CEACAM4: variants seen among roughly 807,000 people sequenced by gnomAD.
CEACAM4 encodes cell adhesion molecule CEACAM4.
Under a neutral mutation model 28.7 loss-of-function variants are expected in CEACAM4, and 30 were observed. That is an observed-to-expected ratio of 1.05 (90% CI 0.78 to 1.42). The LOEUF (loss-of-function observed/expected upper bound fraction) is 1.42, where lower values mean the gene tolerates loss of function less well. Among genes scored for constraint, CEACAM4 ranks in the 40% most tolerant of loss-of-function variants. The pLI is 0.00. For synonymous variants in CEACAM4, 143 were observed against 126.5 expected, an observed-to-expected ratio of 1.13 and a Z score of -0.87; for missense variants, 330 against 308.2, an observed-to-expected ratio of 1.07 and a Z score of -0.53.
chr19:41,615,674 G>A (rs782270204), downstream of CEACAM4, among the ~76,000 whole-genome samples: 1 of 152,062 alleles, frequency 6.6e-6, no homozygotes, highest in Non-Finnish European at 1.5e-5. Context: ...GATGACAAGG[G>A]TGACCCAGGA....
chr19:41,617,965 C>T (rs74774333), downstream of CEACAM4, among the ~76,000 whole-genome samples: 4,067 of 111,854 alleles, frequency 0.036, 94 homozygotes, highest in Admixed American at 0.088. Flanking sequence ...CAACCCATTG[C>T]GGGTTGTTTT....
downstream of CEACAM4, among the ~76,000 whole-genome samples, chr19:41,618,329 G>C (rs782497267): frequency 2.4e-4 from 36 of 152,298 alleles, 1 homozygote; most frequent in Non-Finnish European, 4.7e-4. Flanking sequence ...TCCATGCCAG[G>C]GGGTAAAGTG....
downstream of CEACAM4, chr19:41,619,007 A>G: frequency 2.9e-6 from 1 of 350,238 alleles, no homozygotes; most frequent in Non-Finnish European, 5.1e-6. Flanking sequence ...GAGCAGAAAA[A>G]GAGCCAATGA....
chr19:41,614,548 T>C (rs1431561012), downstream of CEACAM4, among the ~76,000 whole-genome samples: 1 of 152,228 alleles, frequency 6.6e-6, no homozygotes, highest in African/African-American at 2.4e-5. Context: ...TGTGTCCTAT[T>C]CTTTGCCCAC....
In CEACAM4 at chr19:41,619,409, G is replaced by C; in HGVS notation, c.670-14C>G. ...GTATAGCAATTCCTGTAAAAACAGAGAAGAGGCCTCAACCCCTGTAGCCTT... is the reference window on the plus strand; with the variant it reads ...GTATAGCAATTCCTGTAAAAACAGACAAGAGGCCTCAACCCCTGTAGCCTT... On this transcript the variant is annotated splice_polypyrimidine_tract_variant and intron_variant, in intron 6 of 6. Coordinates refer to ENST00000221954, the MANE Select transcript of CEACAM4 (RefSeq NM_001817.4). 6.2e-7 allele frequency: 1 copy of C among 1,613,604 alleles called. No homozygotes were observed. The highest frequency in any genetic ancestry group is 8.5e-7 in the Non-Finnish European group (1 of 1,179,522).
At position 41,627,064 on chromosome 19, in the gene CEACAM4, C is replaced by T. The variant is rs552637217; in HGVS notation, c.-101G>A. On this transcript the variant is annotated 5_prime_UTR_variant, in exon 1 of 7. Coordinates refer to ENST00000221954, the MANE Select transcript of CEACAM4 (RefSeq NM_001817.4). ...GTCGGCTGTCGGGGCTGCTGACCTT[C>T]CTCCTTCTGTGCTGAGCCTCCTCCC... 7.9e-5 allele frequency: 82 copies of T among 1,040,114 alleles called. No homozygotes were observed. The African/African-American group carries it at 1.2e-3, about 15-fold the overall frequency. 64.4% of individuals were successfully genotyped at this position (1,040,114 alleles called of 1,614,324 possible).
chr19:41,625,572 G>A (rs782226872), intron 2 of CEACAM4, 29 bp downstream of exon 2: 25 of 1,544,958 alleles, frequency 1.6e-5, no homozygotes, highest in Non-Finnish European at 2.2e-5. Context: ...CTGACCGCCA[G>A]CACCCAGAGG....
At position 41,620,596 on chromosome 19, in the gene CEACAM4, G is replaced by A. The variant is rs782721693; in HGVS notation, c.574C>T (p.Pro192Ser). The A allele has an allele frequency of 1.9e-6, 3 of 1,612,374 alleles. No individual in the cohort carries two copies. The highest frequency in any genetic ancestry group is 2.5e-6 in the Non-Finnish European group (3 of 1,179,060). ...TCACCAGGGGTGGAGGCTGGGGGCG[G>A]CTGCTCCCTGAGGTCACGCTGGATG... ...ASIQRDLREQPPPASTPGHGP... is the reference protein window; with the variant it reads ...ASIQRDLREQSPPASTPGHGP... Residue 192 changes from proline (P) to serine (S), a missense_variant, in exon 4 of 7, where the codon CCG becomes TCG. Coordinates refer to ENST00000221954, the MANE Select transcript of CEACAM4 (RefSeq NM_001817.4).
chr19:41,620,757 G>T, intron 3 of CEACAM4, 130 bp from the exon 4 acceptor site: 1 of 784,234 alleles, frequency 1.3e-6, no homozygotes, highest in Non-Finnish European at 2.2e-6. Context: ...TCAGTTTCGT[G>T]GTAGGAGCGG....
intron 1 of CEACAM4, 77 bp downstream of exon 1, chr19:41,626,823 A>C: frequency 1.5e-6 from 2 of 1,316,778 alleles, no homozygotes; most frequent in Non-Finnish European, 2.2e-6. Flanking sequence ...GAAGCCCTCT[A>C]TCCCCTCCTA....
At position 41,626,865 on chromosome 19, in the gene CEACAM4, C is replaced by T. The variant is rs782333969; in HGVS notation, c.64+35G>A. ...AGACCCCAGTCAGTCTCTGTGCTCC[C>T]TCTTCCCACCACTCCCAGAGAGTCC... On this transcript the variant is annotated intron_variant, in intron 1 of 6. Coordinates refer to ENST00000221954, the MANE Select transcript of CEACAM4 (RefSeq NM_001817.4). The T allele has an allele frequency of 1.9e-6, 3 of 1,593,206 alleles. No individual in the cohort carries two copies. In the South Asian group the frequency reaches 3.3e-5, roughly 18 times the overall value.
rs782469892 is a variant in CEACAM4, at chr19:41,620,624, G to A, written c.546C>T (p.Ala182=). The change falls in exon 4 of 7, where the codon GCC becomes GCT. Residue 182 remains alanine, a synonymous_variant. Coordinates refer to ENST00000221954, the MANE Select transcript of CEACAM4 (RefSeq NM_001817.4). ...GCTCCCTGAGGTCACGCTGGATGCT[G>A]GCCCTAGGAAAGGTCAGGATTATTC... ...CFLLLSRTGR[A]SIQRDLREQP... 4 of 1,612,462 alleles carry A rather than the reference G, an allele frequency of 2.5e-6. No individual in the cohort carries two copies. In the African/African-American group the frequency reaches 5.3e-5, roughly 22 times the overall value.
chr19:41,625,753 G>C lies in CEACAM4; in HGVS notation c.272C>G (p.Pro91Arg). 1 of 1,614,052 alleles carries C rather than the reference G, an allele frequency of 6.2e-7. No individual in the cohort carries two copies. The highest frequency in any genetic ancestry group is 8.5e-7 in the Non-Finnish European group (1 of 1,179,980). ...CTCTCGACCACTGTATGCGGCCCCT[G>C]GGATATTTGCTTGAATGTCTGTTAT... The part of the protein sequence containing the change: ...GYITDIQANI[P>R]GAAYSGRETV... Residue 91 changes from proline (P) to arginine (R), a missense_variant, in exon 2 of 7, where the codon CCA becomes CGA. Physicochemically the swap from Pro to Arg is moderately radical, Grantham distance 103. Transcript: ENST00000221954.
At chr19:41,616,629 T>C (rs1485854786), downstream of CEACAM4, among the ~76,000 whole-genome samples, 1 of 152,142 alleles carries the variant, frequency 6.6e-6, no homozygotes, top group Non-Finnish European at 1.5e-5. Flanking sequence ...CAAAGGCCTC[T>C]GACACCAAGC....
chr19:41,626,063 AGTGTGTGTGTGTGTGTGTGT>A lies in CEACAM4; in HGVS notation c.65-123_65-104del, dbSNP rs61710351. On this transcript the variant is annotated intron_variant, in intron 1 of 6. Coordinates refer to ENST00000221954, the MANE Select transcript of CEACAM4 (RefSeq NM_001817.4). The stretch of plus-strand genomic sequence containing the variant: ...AGGTCTCCTCATCCCTCAGCCTTGG[AGTGTGTGTGTGTGTGTGTGT>A]GTGTGTGTGTGTGTGTGTGTGTGTG... 8.9e-3 allele frequency: 5,788 copies of A among 652,594 alleles called. 46 individuals carry two copies. Among genetic ancestry groups the A allele is most frequent in the African/African-American group, 0.043 (1,760 of 41,388 alleles). 40.4% of individuals were successfully genotyped at this position (652,594 alleles called of 1,614,324 possible).
chr19:41,623,694 GGCTCCCATAAACCCCCA>G (rs1396721150), intron 2 of CEACAM4, among the ~76,000 whole-genome samples: 10 of 152,134 alleles, frequency 6.6e-5, no homozygotes, highest in African/African-American at 2.4e-4. Context: ...CAGTCAGTTA[GGCTCCCATAAACCCCCA>G]GCAGGTGAGG....
At chr19:41,615,952 G>A (rs1244797843), downstream of CEACAM4, among the ~76,000 whole-genome samples, 1 of 152,158 alleles carries the variant, frequency 6.6e-6, no homozygotes, top group Non-Finnish European at 1.5e-5. Context: ...AGTTCCCTGG[G>A]GATGTGTGCT....
chr19:41,621,891 C>A, intron 2 of CEACAM4, 123 bp from the exon 3 acceptor site: 1 of 664,022 alleles, frequency 1.5e-6, no homozygotes, highest in South Asian at 1.8e-5. Flanking sequence ...TGAGTGTGGT[C>A]TGTTGGGCTG....
chr19:41,617,772 C>T (rs371064433), downstream of CEACAM4, among the ~76,000 whole-genome samples: 2 of 152,288 alleles, frequency 1.3e-5, no homozygotes, highest in East Asian at 1.9e-4. Flanking sequence ...TCCCTGGAGC[C>T]TCTAGAAAGA....
Sources: gnomAD v4.1 joint callset for allele counts (sites outside exome capture counted in the v4.1 genomes callset) on GRCh38, gnomAD v4.1.1 for gene constraint, MANE v1.5 for transcripts, NCBI Gene and HGNC (gene_info 2026-07-23, HGNC 2026-07-21) for gene names.